NAXD: variants seen among roughly 807,000 people sequenced by gnomAD.
The protein encoded by NAXD is NAD(P)HX dehydratase, also known as ATP-dependent (S)-NAD(P)H-hydrate dehydratase.
A neutral mutation model predicts 35.8 loss-of-function variants in NAXD; 22 were observed. The observed-to-expected ratio is 0.62, with a 90% CI of 0.44 to 0.88. The LOEUF (loss-of-function observed/expected upper bound fraction) is 0.88. Among genes scored for constraint, NAXD ranks in the 40% least tolerant of loss-of-function variants. NAXD has a pLI of 0.00. For missense variants in NAXD, 428 were observed against 437.7 expected (o/e 0.98, Z 0.20); for synonymous variants, 189 against 177.6 (o/e 1.06, Z -0.51).
In NAXD at chr13:110,638,468, C is replaced by G; in HGVS notation, c.930C>G (p.Thr310=). The G allele has an allele frequency of 2.5e-6, 4 of 1,613,368 alleles. No individual in the cohort carries two copies. Among genetic ancestry groups the G allele is most frequent in the Non-Finnish European group, 3.4e-6 (4 of 1,180,016 alleles). The change falls in exon 10 of 10, where the codon ACC becomes ACG. Residue 310 remains threonine (T), a synonymous_variant. Transcript: ENST00000680254. This position sits in a 1 kb window ranked among gnomAD's most constrained non-coding sequence, Gnocchi z 5.4. ...HQAFQKHGRS[T]TTSDMIAEVG... Reference sequence around the variant, plus strand: ...CCTTCCAGAAGCACGGTCGCTCCACCACCACCTCCGACATGATCGCCGAGG... The same window carrying G: ...CCTTCCAGAAGCACGGTCGCTCCACGACCACCTCCGACATGATCGCCGAGG...
intron 1 of NAXD, among the ~76,000 whole-genome samples, chr13:110,620,544 C>G (rs1408947475): frequency 6.7e-6 from 1 of 148,914 alleles, no homozygotes; most frequent in Non-Finnish European, 1.5e-5. Context: ...TGTACCACTG[C>G]ACTCCAGCCT....
Position 110,627,936 on chromosome 13 carries a change from C to T in NAXD, c.441+389C>T, listed in dbSNP as rs558927886. ...CTGGGGTTCCCTCAGCCTCCTGGGCCGTTGTTCCCACACAGCCCTGGCGCC... is the reference window on the plus strand; with the variant it reads ...CTGGGGTTCCCTCAGCCTCCTGGGCTGTTGTTCCCACACAGCCCTGGCGCC... On this transcript the variant is annotated intron_variant, in intron 5 of 9. Transcript: ENST00000680254. Among the ~76,000 whole-genome samples the T allele has an allele frequency of 4.7e-4, 72 of 152,258 alleles. No individual in the cohort carries two copies. In the South Asian group the frequency reaches 5.2e-3, roughly 11 times the overall value.
intron 5 of NAXD, among the ~76,000 whole-genome samples, chr13:110,630,021 TTTTTGTTTTTG>T (rs957196035): frequency 6.6e-5 from 10 of 152,152 alleles, no homozygotes; most frequent in Admixed American, 1.3e-4. Flanking sequence ...GGTATCTTTT[TTTTTGTTTTTG>T]TTTTGTTTTG....
At position 110,615,713 on chromosome 13, in the gene NAXD, C is replaced by T. The variant is rs35134894; in HGVS notation, c.46+66C>T. 1.5e-3 allele frequency: 2,320 copies of T among 1,515,588 alleles called. 41 individuals are homozygous for T. In the African/African-American group the frequency reaches 0.03, roughly 19 times the overall value. 93.9% of individuals were successfully genotyped at this position (1,515,588 alleles called of 1,614,324 possible). A position where few individuals can be genotyped will look rare whatever the true frequency, so the allele number is the denominator to read the frequency against. On this transcript the variant is annotated intron_variant, in intron 1 of 9. Coordinates refer to ENST00000680254, the MANE Select transcript of NAXD (RefSeq NM_001242882.2). Reference sequence around the variant, plus strand: ...CGGGGGCCGGAACTGCCGTCGCCGGCGCGGTCGTTGTCGCATTGCTCTCGG... The same window carrying T: ...CGGGGGCCGGAACTGCCGTCGCCGGTGCGGTCGTTGTCGCATTGCTCTCGG...
intron 5 of NAXD, among the ~76,000 whole-genome samples, chr13:110,632,286 G>A (rs1157570062): frequency 6.6e-6 from 1 of 152,188 alleles, no homozygotes; most frequent in Non-Finnish European, 1.5e-5. Context: ...CAGGAGTGAA[G>A]CTGCAGATCT....
At chr13:110,622,164 A>G in intron 1 of NAXD, 52 bp from the exon 2 acceptor site, 1 of 1,508,294 alleles carries the variant, frequency 6.6e-7, no homozygotes. Context: ...TATTATGTGT[A>G]CTAACAATAT....
intron 4 of NAXD, among the ~76,000 whole-genome samples, chr13:110,625,499 T>C (rs572629817): frequency 2.0e-4 from 31 of 152,274 alleles, no homozygotes; most frequent in Non-Finnish European, 3.2e-4. Flanking sequence ...TTGGGCCTGT[T>C]GGAAATGGCC....
chr13:110,632,947 C>G (rs1265703381), intron 5 of NAXD, among the ~76,000 whole-genome samples: 2 of 152,242 alleles, frequency 1.3e-5, no homozygotes, highest in Admixed American at 6.5e-5. Context: ...CCACCAGACT[C>G]AGGAGCCCAG....
At chr13:110,620,676 C>T (rs953091015) in intron 1 of NAXD, among the ~76,000 whole-genome samples, 1 of 151,672 alleles carries the variant, frequency 6.6e-6, no homozygotes, top group Non-Finnish European at 1.5e-5. Flanking sequence ...AAGGCAGTTA[C>T]ATCTACTCAT....
chr13:110,624,815 A>G (rs1343918909), intron 3 of NAXD, among the ~76,000 whole-genome samples: 1 of 152,196 alleles, frequency 6.6e-6, no homozygotes, highest in East Asian at 1.9e-4. Flanking sequence ...GTACTCCACC[A>G]AAGTGCACCT....
In NAXD at chr13:110,638,939, T is replaced by G. The variant is rs1217640494; in HGVS notation, c.*411T>G. The G allele has an allele frequency of 2.8e-6, 1 of 358,144 alleles. No homozygotes were observed. The highest frequency in any genetic ancestry group is 2.1e-5 in the African/African-American group (1 of 46,838). 22.2% of individuals were successfully genotyped at this position (358,144 alleles called of 1,614,324 possible). A position where few individuals can be genotyped will look rare whatever the true frequency, so the allele number is the denominator to read the frequency against. ...TCCTCTGCTTCCCTTCCCTAGTCTT[T>G]CCTCCGGCAGGGAGCTGGGCAGGGG... On this transcript the variant is annotated 3_prime_UTR_variant, in exon 10 of 10. Transcript: ENST00000680254. The surrounding 1 kb of genome is among the most constrained non-coding windows in gnomAD (Gnocchi z 5.4).
chr13:110,615,900 G>T, intron 1 of NAXD: 1 of 760,088 alleles, frequency 1.3e-6, no homozygotes, highest in Non-Finnish European at 1.8e-6. Flanking sequence ...GAGGCCTCCT[G>T]GAACGGCGCG....
Position 110,620,236 on chromosome 13 carries a change from TTA to T in NAXD, c.47-1977_47-1976del, listed in dbSNP as rs746884550. ...ATTGTGTCTCTCCTTGGCCCACAGTTTATAGTGATTCTGTGCCGGGTCTTGTG... is the reference window on the plus strand; with the variant it reads ...ATTGTGTCTCTCCTTGGCCCACAGTTTAGTGATTCTGTGCCGGGTCTTGTG... On this transcript the variant is annotated intron_variant, in intron 1 of 9. Transcript: ENST00000680254. 2.6e-5 allele frequency among the ~76,000 whole-genome samples: 4 copies of T among 152,024 alleles called. No individual in the cohort carries two copies. In the East Asian group the frequency reaches 5.8e-4, roughly 22 times the overall value.
At position 110,639,560 on chromosome 13, in the gene NAXD, G is replaced by C. The variant is rs1233449890; in HGVS notation, c.*1032G>C. On this transcript the variant is annotated 3_prime_UTR_variant, in exon 10 of 10. Transcript: ENST00000680254. ...TCATGGCAGTGTCGACCTCGGGTTAGCTTCTGTTGTCTTTGTGGATGGTTT... is the reference window on the plus strand; with the variant it reads ...TCATGGCAGTGTCGACCTCGGGTTACCTTCTGTTGTCTTTGTGGATGGTTT... 6.6e-6 allele frequency: 1 copy of C among 152,274 alleles called. No individual in the cohort carries two copies. The highest frequency in any genetic ancestry group is 1.5e-5 in the Non-Finnish European group (1 of 68,072). 9.4% of individuals were successfully genotyped at this position (152,274 alleles called of 1,614,324 possible).
At position 110,622,953 on chromosome 13, in the gene NAXD, T is replaced by C. The variant is rs1317767671; in HGVS notation, c.197+587T>C. On this transcript the variant is annotated intron_variant, in intron 2 of 9. Coordinates refer to ENST00000680254, the MANE Select transcript of NAXD (RefSeq NM_001242882.2). Reference sequence around the variant, plus strand: ...TCCCTCCATTTGCAGCTGTTGATCGTGCCATAGGGTGTGTTAGAGTTGTTA... The same window carrying C: ...TCCCTCCATTTGCAGCTGTTGATCGCGCCATAGGGTGTGTTAGAGTTGTTA... Among the ~76,000 whole-genome samples the C allele has an allele frequency of 2.0e-5, 3 of 152,120 alleles. No individual in the cohort carries two copies. The East Asian group carries it at 5.8e-4, about 29-fold the overall frequency.
chr13:110,633,254 T>A (rs1594181972), intron 5 of NAXD, among the ~76,000 whole-genome samples: 1 of 152,108 alleles, frequency 6.6e-6, no homozygotes, highest in Non-Finnish European at 1.5e-5. Context: ...CAGTACACCC[T>A]CTGCAGCCGC....
rs1227684849 is a variant in NAXD at position 110,638,331 on chromosome 13, C to T, written c.840-47C>T. ...GCCCAGGGTAGCTGCGGCCCCCGGA[C>T]CACGACGCCCACTTCCCCACACCTC... On this transcript the variant is annotated intron_variant, in intron 9 of 9. Coordinates refer to ENST00000680254, the MANE Select transcript of NAXD (RefSeq NM_001242882.2). This position sits in a 1 kb window ranked among gnomAD's most constrained non-coding sequence, Gnocchi z 5.4. The T allele has an allele frequency of 6.2e-7, 1 of 1,613,284 alleles. No individual in the cohort carries two copies. The highest frequency in any genetic ancestry group is 8.5e-7 in the Non-Finnish European group (1 of 1,179,750).
chr13:110,625,575 A>G (rs1398682831), intron 4 of NAXD, among the ~76,000 whole-genome samples: 2 of 152,200 alleles, frequency 1.3e-5, no homozygotes, highest in Non-Finnish European at 2.9e-5. Context: ...GAAGGTGGAA[A>G]CGAAGGGCCT....
intron 8 of NAXD, among the ~76,000 whole-genome samples, chr13:110,636,852 G>A (rs1043662160): frequency 2.6e-5 from 4 of 152,208 alleles, no homozygotes; most frequent in East Asian, 3.9e-4. Flanking sequence ...AGGCGGTTCC[G>A]AGCTGCAGGT....
Sources: gnomAD v4.1 joint callset for allele counts (sites outside exome capture counted in the v4.1 genomes callset) on GRCh38, gnomAD v4.1.1 for gene constraint, Gnocchi (gnomAD v3.1) non-coding constraint, MANE v1.5 for transcripts, NCBI Gene and HGNC (gene_info 2026-07-23, HGNC 2026-07-21) for gene names.